DARS2: variants seen among roughly 807,000 people sequenced by gnomAD.
DARS2 encodes aspartyl-tRNA synthetase 2, mitochondrial.
Under a neutral mutation model 83.0 loss-of-function variants are expected in DARS2, and 63 were observed. The ratio of observed to expected loss-of-function variants is 0.76; its 90% CI spans 0.62 to 0.94. The LOEUF is 0.94. Ranked by LOEUF, DARS2 falls within the 40% of genes least tolerant of loss-of-function variation. DARS2 has a pLI of 0.00. For synonymous variants in DARS2, 250 were observed against 269.3 expected (o/e 0.93, Z 0.70); for missense variants, 675 against 774.4 (o/e 0.87, Z 1.52).
chr1:173,840,208 G>A (rs1261693121), intron 10 of DARS2, among the ~76,000 whole-genome samples: 1 of 152,080 alleles, frequency 6.6e-6, no homozygotes, highest in African/African-American at 2.4e-5. Flanking sequence ...ACTACTTCTT[G>A]TTTCTTCGTT....
intron 11 of DARS2, 29 bp downstream of exon 11, chr1:173,841,002 T>C (rs779078539): frequency 3.9e-6 from 5 of 1,275,468 alleles, no homozygotes; most frequent in Non-Finnish European, 5.7e-6. Flanking sequence ...TATGTTTCTC[T>C]AGAATGTATG....
At chr1:173,841,377 G>T (rs1392577661) in intron 11 of DARS2, among the ~76,000 whole-genome samples, 3 of 139,264 alleles carry the variant, frequency 2.2e-5, no homozygotes, top group African/African-American at 5.3e-5. Flanking sequence ...AACTGTGTTT[G>T]AAAAAAAAAA....
In DARS2 at chr1:173,833,392, G is replaced by C; in HGVS notation, c.509G>C (p.Arg170Pro). The C allele has an allele frequency of 1.9e-6, 3 of 1,607,780 alleles. No homozygotes were observed. Among genetic ancestry groups the C allele is most frequent in the Non-Finnish European group, 2.5e-6 (3 of 1,176,916 alleles). The change falls in exon 6 of 17, where the codon CGG becomes CCG. Residue 170 changes from arginine (R) to proline (P), a missense_variant. Transcript: ENST00000649689. ...KNFVKKTEAL[R>P]LQYRYLDLRS... ...TTTCTTTAGAAAACAGAGGCTCTTCGGTTGCAGTATCGCTACTTAGACTTG... is the reference window on the plus strand; with the variant it reads ...TTTCTTTAGAAAACAGAGGCTCTTCCGTTGCAGTATCGCTACTTAGACTTG...
At chr1:173,845,969 A>G (rs1653419097) in intron 12 of DARS2, among the ~76,000 whole-genome samples, 2 of 152,300 alleles carry the variant, frequency 1.3e-5, no homozygotes, top group Non-Finnish European at 1.5e-5. Context: ...CATCCTGGCT[A>G]ACATGGTGAA....
chr1:173,855,190 G>A (rs956578045), intron 15 of DARS2, among the ~76,000 whole-genome samples: 2 of 150,102 alleles, frequency 1.3e-5, no homozygotes, highest in East Asian at 3.9e-4. Flanking sequence ...TGCAACCTCC[G>A]CCGCCTGGGT....
rs779860311 is a variant in DARS2 at position 173,838,162 on chromosome 1, C to T, written c.771-28C>T. Reference sequence around the variant, plus strand: ...TGTGTATGTCTTCCTAGAATCATAACTCAATTAATGCTATTTCTCAATTGT... The same window carrying T: ...TGTGTATGTCTTCCTAGAATCATAATTCAATTAATGCTATTTCTCAATTGT... On this transcript the variant is annotated intron_variant, in intron 8 of 16. Coordinates refer to ENST00000649689, the MANE Select transcript of DARS2 (RefSeq NM_018122.5). The T allele has an allele frequency of 1.0e-5, 16 of 1,563,642 alleles. No homozygotes were observed. In the South Asian group the frequency reaches 1.4e-4, roughly 14 times the overall value.
At chr1:173,834,769 G>GT (rs1652934200) in intron 7 of DARS2, among the ~76,000 whole-genome samples, 45 of 50,934 alleles carry the variant, frequency 8.8e-4, no homozygotes, top group East Asian at 1.9e-3. Context: ...GTTTGTTTTG[G>GT]GTTTTTTTTT....
At position 173,841,236 on chromosome 1, in the gene DARS2, G is replaced by T. The variant is rs147198416; in HGVS notation, c.1128+263G>T. ...CTAAAAAATACAAAAAATTAGTCAGGCGTGGTGGCATGTGCCTGTAATCCC... is the reference window on the plus strand; with the variant it reads ...CTAAAAAATACAAAAAATTAGTCAGTCGTGGTGGCATGTGCCTGTAATCCC... On this transcript the variant is annotated intron_variant, in intron 11 of 16. Coordinates refer to ENST00000649689, the MANE Select transcript of DARS2 (RefSeq NM_018122.5). Among the ~76,000 whole-genome samples, 14 of 152,114 alleles carry T rather than the reference G, an allele frequency of 9.2e-5. No homozygotes were observed. The East Asian group carries it at 2.7e-3, about 29-fold the overall frequency.
At chr1:173,856,296 T>C (rs1653859434) in intron 15 of DARS2, among the ~76,000 whole-genome samples, 1 of 152,198 alleles carries the variant, frequency 6.6e-6, no homozygotes, top group Admixed American at 6.5e-5. Context: ...CATTTGACAA[T>C]GTTGCCCACT....
chr1:173,831,475 G>A, intron 4 of DARS2, 60 bp from the exon 5 acceptor site: 4 of 1,152,060 alleles, frequency 3.5e-6, no homozygotes, highest in Non-Finnish European at 5.3e-6. Flanking sequence ...TTCTACAAAT[G>A]TGTATTTTGT....
chr1:173,825,726 C>T (rs1231558693), intron 1 of DARS2, among the ~76,000 whole-genome samples: 1 of 151,206 alleles, frequency 6.6e-6, no homozygotes, highest in African/African-American at 2.4e-5. Context: ...GCCTCCGCCT[C>T]CCATAGTGCT....
At chr1:173,839,695 A>C in intron 10 of DARS2, 149 bp downstream of exon 10, 1 of 705,386 alleles carries the variant, frequency 1.4e-6, no homozygotes, top group Non-Finnish European at 2.4e-6. Context: ...AGAGCAAGAG[A>C]GAATAATAGC....
rs1653070218 is a variant in DARS2, at chr1:173,838,042, G to A, written c.771-148G>A. On this transcript the variant is annotated intron_variant, in intron 8 of 16. Coordinates refer to ENST00000649689, the MANE Select transcript of DARS2 (RefSeq NM_018122.5). ...CCCGCCTTGGCCTCCCAAAGTGCTG[G>A]GATTATAGGTATGAGCCGCCATGCC... The A allele has an allele frequency of 1.5e-5, 10 of 680,942 alleles. No homozygotes were observed. The South Asian group carries it at 1.7e-4, about 11-fold the overall frequency. 42.2% of individuals were successfully genotyped at this position (680,942 alleles called of 1,614,324 possible).
chr1:173,838,504 A>G (rs568660464), intron 9 of DARS2, among the ~76,000 whole-genome samples: 15 of 151,938 alleles, frequency 9.9e-5, no homozygotes, highest in Non-Finnish European at 2.1e-4. Flanking sequence ...AAATTTTAGT[A>G]TGTGTGCTGC....
chr1:173,856,446 T>A (rs1348713579), intron 15 of DARS2, among the ~76,000 whole-genome samples: 1 of 152,204 alleles, frequency 6.6e-6, no homozygotes, highest in Non-Finnish European at 1.5e-5. Context: ...TTTTTGTACA[T>A]GTTATAATCA....
chr1:173,853,549 G>C lies in DARS2; in HGVS notation c.1545G>C (p.Leu515=). ...CCCACCCCAGTGACATACATCTCCT[G>C]TACACTGAGCCCAAAAAGGTACCGT... The part of the protein sequence containing the change: ...TAPHPSDIHL[L]YTEPKKARSQ... The change falls in exon 14 of 17, where the codon CTG becomes CTC. Residue 515 remains leucine, a synonymous_variant. Coordinates refer to ENST00000649689, the MANE Select transcript of DARS2 (RefSeq NM_018122.5). The C allele has an allele frequency of 1.9e-6, 3 of 1,613,968 alleles. No homozygotes were observed. The highest frequency in any genetic ancestry group is 2.2e-5 in the East Asian group (1 of 44,874).
intron 2 of DARS2, among the ~76,000 whole-genome samples, chr1:173,827,091 G>C (rs9286890): frequency 0.091 from 13,790 of 152,162 alleles, 2,019 homozygotes; most frequent in African/African-American, 0.31. Context: ...TAAGACTGAA[G>C]AGTTCCTATA....
At chr1:173,842,708 C>T (rs1223397967) in intron 11 of DARS2, among the ~76,000 whole-genome samples, 1 of 150,752 alleles carries the variant, frequency 6.6e-6, no homozygotes, top group African/African-American at 2.4e-5. Context: ...GAGGCCAAGG[C>T]GGGTGGATTA....
chr1:173,846,029 G>A (rs1207788576), intron 12 of DARS2, among the ~76,000 whole-genome samples: 2 of 151,944 alleles, frequency 1.3e-5, no homozygotes, highest in East Asian at 1.9e-4. Context: ...GTGGTGGCGC[G>A]GGCCTGTAGT....
Sources: allele counts gnomAD v4.1 joint callset (sites outside exome capture counted in the v4.1 genomes callset), GRCh38; gene constraint gnomAD v4.1.1; transcripts MANE v1.5; gene names NCBI Gene and HGNC (gene_info 2026-07-23, HGNC 2026-07-21).